KCNMB3: variants seen among roughly 807,000 people sequenced by gnomAD.
KCNMB3 encodes the protein calcium-activated potassium channel subunit beta-3.
Under a neutral mutation model 11.9 loss-of-function variants are expected in KCNMB3, and 18 were observed. The observed-to-expected ratio is 1.51, with a 90% CI of 1.04 to 2.23. KCNMB3 has a LOEUF of 2.23. Ranked by LOEUF, KCNMB3 falls within the 30% of genes most tolerant of loss-of-function variation. The pLI is 0.00. For missense variants in KCNMB3, 247 were observed against 329.4 expected, an observed-to-expected ratio of 0.75 and a Z score of 1.94; for synonymous variants, 78 against 119.2, an observed-to-expected ratio of 0.65 and a Z score of 2.25.
chr3:179,251,656 A>C (rs1204775157), upstream of KCNMB3: 3 of 1,244,044 alleles, frequency 2.4e-6, no homozygotes, highest in Non-Finnish European at 3.0e-6. Flanking sequence ...AAAGGTCGCA[A>C]ACCGGTGGGC....
At chr3:179,240,398 T>C, downstream of KCNMB3, 1 of 191,354 alleles carries the variant, frequency 5.2e-6, no homozygotes, top group Non-Finnish European at 1.1e-5. Context: ...TATACATATA[T>C]GTATGAATGT....
At chr3:179,261,641 T>C (rs1306678828) in intron 1 of KCNMB3, among the ~76,000 whole-genome samples, 2 of 152,104 alleles carry the variant, frequency 1.3e-5, no homozygotes, top group Non-Finnish European at 2.9e-5. Context: ...GTAGAAACTG[T>C]ACCTCAAATT....
intron 1 of KCNMB3, among the ~76,000 whole-genome samples, chr3:179,250,405 C>A (rs972476561): frequency 2.0e-5 from 3 of 152,164 alleles, no homozygotes; most frequent in African/African-American, 7.2e-5. Context: ...TGCTCACATA[C>A]AAGGTTTAAC....
chr3:179,245,216 T>C (rs888182152), intron 1 of KCNMB3, among the ~76,000 whole-genome samples: 97 of 152,262 alleles, frequency 6.4e-4, no homozygotes, highest in African/African-American at 2.2e-3. Flanking sequence ...CAAGATGCAC[T>C]GGCTTGTCCT....
chr3:179,258,831 G>A (rs1726106080), intron 1 of KCNMB3: 2 of 1,462,000 alleles, frequency 1.4e-6, no homozygotes, highest in East Asian at 2.3e-5. Flanking sequence ...TCTAATCTGG[G>A]TGATAACCTC....
rs1480478784 is a variant in KCNMB3 at position 179,244,642 on chromosome 3, G to A, written c.300C>T (p.Asp100=). 13 of 1,613,954 alleles carry A rather than the reference G, an allele frequency of 8.1e-6. No homozygotes were observed. The highest frequency in any genetic ancestry group is 1.0e-5 in the Non-Finnish European group (12 of 1,179,978). The change falls in exon 2 of 3, where the codon GAC becomes GAT. Residue 100 remains aspartate (D), a synonymous_variant. Coordinates refer to ENST00000392685, the MANE Select transcript of KCNMB3 (RefSeq NM_171830.2). Reference sequence around the variant, plus strand: ...AGGTGAAGGCACAGTCCAGCCAGTCGTCCATGATATCTGTGTGGATGGCAG... The same window carrying A: ...AGGTGAAGGCACAGTCCAGCCAGTCATCCATGATATCTGTGTGGATGGCAG... ...TCTAIHTDIM[D]DWLDCAFTCG...
intron 1 of KCNMB3, among the ~76,000 whole-genome samples, chr3:179,247,264 C>G (rs983019778): frequency 4.6e-5 from 7 of 152,092 alleles, no homozygotes; most frequent in African/African-American, 1.7e-4. Context: ...AATGATCTGC[C>G]TGTGCACACA....
intron 1 of KCNMB3, chr3:179,260,491 A>G: frequency 6.2e-7 from 1 of 1,610,142 alleles, no homozygotes; most frequent in Non-Finnish European, 8.5e-7. Context: ...GTATTGTGCA[A>G]GATTTCTCTT....
At chr3:179,251,385 T>C (rs1725838890), upstream of KCNMB3, 3 of 1,430,088 alleles carry the variant, frequency 2.1e-6, no homozygotes, top group South Asian at 4.7e-5. Context: ...GACTTATTCT[T>C]TCATATTCAC....
At chr3:179,252,731 CTTTTT>C (rs386398672), upstream of KCNMB3, among the ~76,000 whole-genome samples, 6 of 128,562 alleles carry the variant, frequency 4.7e-5, no homozygotes, top group African/African-American at 1.8e-4. Flanking sequence ...TGAACCTGTA[CTTTTT>C]TTTTTTTTTT....
upstream of KCNMB3, chr3:179,251,419 C>G: frequency 7.0e-7 from 1 of 1,425,880 alleles, no homozygotes; most frequent in Non-Finnish European, 9.1e-7. Flanking sequence ...AGCATATCCA[C>G]CACCAGAATT....
chr3:179,261,051 T>C, intron 1 of KCNMB3: 2 of 1,037,684 alleles, frequency 1.9e-6, no homozygotes, highest in Non-Finnish European at 3.0e-6. Flanking sequence ...AAGGCCAGCG[T>C]GGCTGCAGAC....
chr3:179,243,701 T>C (rs893006109), intron 2 of KCNMB3, among the ~76,000 whole-genome samples: 3 of 152,220 alleles, frequency 2.0e-5, no homozygotes, highest in Non-Finnish European at 4.4e-5. Flanking sequence ...TAGCAAAATA[T>C]CACCCTGAAG....
At position 179,244,676 on chromosome 3, in the gene KCNMB3, G is replaced by A. The variant is rs541352264; in HGVS notation, c.266C>T (p.Ser89Leu). 2.5e-6 allele frequency: 4 copies of A among 1,612,436 alleles called. No homozygotes were observed. The highest frequency in any genetic ancestry group is 2.7e-5 in the African/African-American group (2 of 74,330). The change falls in exon 2 of 3, where the codon TCG becomes TTG. Residue 89 changes from serine (S) to leucine (L), a missense_variant. Ser to Leu is a moderately radical substitution (Grantham distance 145). Around this residue, in one of 2 missense-constraint regions of KCNMB3, gnomAD observed 160 missense variants for 157.5 expected, o/e 1.02. Transcript: ENST00000392685. Reference protein sequence around the residue: ...PFMLSIQREESTCTAIHTDIM... With the variant: ...PFMLSIQREELTCTAIHTDIM... ...ATCTGTGTGGATGGCAGTGCAGGTC[G>A]ATTCTTCTCTCTGAATGCTTCAATT... is the stretch of plus-strand genomic sequence containing the variant.
intron 1 of KCNMB3, chr3:179,259,705 A>AT (rs755437025): frequency 1.4e-5 from 23 of 1,593,026 alleles, no homozygotes; most frequent in Non-Finnish European, 2.0e-5. Context: ...GGTACTGGGG[A>AT]TTTTTTCCTC....
upstream of KCNMB3, chr3:179,251,130 C>A (rs1436946862): frequency 1.2e-6 from 2 of 1,614,064 alleles, no homozygotes; most frequent in South Asian, 1.1e-5. Flanking sequence ...GATGTGTAAT[C>A]AAGTATTTTT....
downstream of KCNMB3, chr3:179,242,769 A>C: frequency 7.4e-7 from 1 of 1,343,134 alleles, no homozygotes; most frequent in Non-Finnish European, 9.8e-7. Context: ...GAGGCTTTTA[A>C]ATTTTTTCCC....
rs541352264 is a variant in KCNMB3 at position 179,244,676 on chromosome 3, G to T, written c.266C>A (p.Ser89Ter). ...ATCTGTGTGGATGGCAGTGCAGGTC[G>T]ATTCTTCTCTCTGAATGCTTCAATT... ...PFMLSIQREESTCTAIHTDIM... is the reference protein window; with the variant it reads ...PFMLSIQREE The change falls in exon 2 of 3, where the codon TCG becomes TAG. Residue 89 changes from serine (S) to a stop codon, truncating the protein, a stop_gained. Coordinates refer to ENST00000392685, the MANE Select transcript of KCNMB3 (RefSeq NM_171830.2). LOFTEE classifies it high-confidence loss of function. 3 of 1,612,550 alleles carry T rather than the reference G, an allele frequency of 1.9e-6. No individual in the cohort carries two copies. Among genetic ancestry groups the T allele is most frequent in the Admixed American group, 1.7e-5 (1 of 59,942 alleles).
At chr3:179,249,598 G>T (rs569982933) in intron 1 of KCNMB3, among the ~76,000 whole-genome samples, 5 of 152,166 alleles carry the variant, frequency 3.3e-5, no homozygotes, top group African/African-American at 7.2e-5. Context: ...GCTTGAATTC[G>T]GGAGGCAGAG....
Sources: allele counts gnomAD v4.1 joint callset (sites outside exome capture counted in the v4.1 genomes callset), GRCh38; gene constraint gnomAD v4.1.1; regional missense constraint gnomAD v4.1.1; transcripts MANE v1.5; gene names NCBI Gene and HGNC (gene_info 2026-07-23, HGNC 2026-07-21).